PIWIL1: variants seen among roughly 807,000 people sequenced by gnomAD.
The protein encoded by PIWIL1 is piwi like RNA-mediated gene silencing 1.
In PIWIL1, 73 loss-of-function variants were observed where a neutral mutation model predicts 114.4. That is an observed-to-expected ratio of 0.64 (90% CI 0.53 to 0.78). The LOEUF is 0.78. Among genes scored for constraint, PIWIL1 ranks in the 30% least tolerant of loss-of-function variants. The probability of loss-of-function intolerance (pLI) is 0.00; values close to 1 mark genes in which losing one functional copy is unlikely to be tolerated. For missense variants in PIWIL1, 723 were observed against 1,063.1 expected (o/e 0.68, Z 4.45); for synonymous variants, 375 against 369.0 (o/e 1.02, Z -0.19).
chr12:130,412,340 A>G, the PIWIL1 span, among the ~76,000 whole-genome samples: 1 of 152,178 alleles, frequency 6.6e-6, no homozygotes, highest in Non-Finnish European at 1.5e-5. Context: ...TAGATGCGAT[A>G]AATTGTTTGC....
chr12:130,357,406 A>G, intron 13 of PIWIL1, 75 bp from the exon 14 acceptor site: 1 of 1,078,386 alleles, frequency 9.3e-7, no homozygotes, highest in Non-Finnish European at 1.4e-6. Flanking sequence ...TTCCTGTGTT[A>G]CACAGGAAGG....
the PIWIL1 span, among the ~76,000 whole-genome samples, chr12:130,379,637 G>T: frequency 1.1e-4 from 3 of 28,004 alleles, no homozygotes; most frequent in South Asian, 1.4e-3. Flanking sequence ...AGCATTGACA[G>T]TTCCTTCAAC....
chr12:130,402,536 C>G, the PIWIL1 span, among the ~76,000 whole-genome samples: 1 of 152,162 alleles, frequency 6.6e-6, no homozygotes, highest in East Asian at 1.9e-4. Flanking sequence ...CATCAAAACC[C>G]TTTACAGAAT....
the PIWIL1 span, among the ~76,000 whole-genome samples, chr12:130,401,055 T>C: frequency 0.83 from 125,797 of 152,234 alleles, 52,262 homozygotes; most frequent in Non-Finnish European, 0.85. Context: ...ATGGTGGTGA[T>C]TGTTTGCACA....
At chr12:130,377,225 G>A (rs919187530), downstream of PIWIL1, among the ~76,000 whole-genome samples, 1 of 152,202 alleles carries the variant, frequency 6.6e-6, no homozygotes, top group Non-Finnish European at 1.5e-5. Flanking sequence ...ATGATCCCCA[G>A]TGTATAGCAG....
chr12:130,382,753 A>C, the PIWIL1 span, among the ~76,000 whole-genome samples: 1 of 151,982 alleles, frequency 6.6e-6, no homozygotes, highest in African/African-American at 2.4e-5. Flanking sequence ...CCCCACCCCA[A>C]GGTTTATACT....
At chr12:130,348,480 G>A (rs1822314592) in intron 7 of PIWIL1, among the ~76,000 whole-genome samples, 1 of 152,188 alleles carries the variant, frequency 6.6e-6, no homozygotes, top group Non-Finnish European at 1.5e-5. Flanking sequence ...CAGCCCAACT[G>A]AAAAACCACC....
intron 18 of PIWIL1, among the ~76,000 whole-genome samples, chr12:130,365,368 AT>A (rs1311116216): frequency 2.0e-5 from 3 of 152,256 alleles, no homozygotes; most frequent in Admixed American, 2.0e-4. Context: ...AAATGAAAAT[AT>A]ACGTAATGGA....
At chr12:130,349,501 C>A (rs2073156743) in intron 8 of PIWIL1, 65 bp downstream of exon 8, 2 of 1,078,042 alleles carry the variant, frequency 1.9e-6, no homozygotes, top group Admixed American at 3.9e-5. Context: ...CTTTCTAGTT[C>A]TACCATGTTA....
At chr12:130,421,689 A>ATGTGTGTGTG in the PIWIL1 span, among the ~76,000 whole-genome samples, 15,487 of 106,316 alleles carry the variant, frequency 0.15, 937 homozygotes, top group Non-Finnish European at 0.17. Flanking sequence ...CCCTGCATTT[A>ATGTGTGTGTG]TATGTGTGTG....
At chr12:130,389,019 G>T in the PIWIL1 span, among the ~76,000 whole-genome samples, 1 of 151,932 alleles carries the variant, frequency 6.6e-6, no homozygotes, top group Admixed American at 6.6e-5. Flanking sequence ...GCTTTCAAAG[G>T]CATTTCTGTT....
At chr12:130,373,558 C>G (rs1047513659), downstream of PIWIL1, among the ~76,000 whole-genome samples, 1 of 152,156 alleles carries the variant, frequency 6.6e-6, no homozygotes, top group Non-Finnish European at 1.5e-5. Context: ...CTAGGTAACA[C>G]TTCCCAAATT....
chr12:130,371,269 A>C lies in PIWIL1; in HGVS notation c.2415A>C (p.Pro805=). ...TCTATGACAACAGCGGCCTGAAGCCAGACCACATACAGCGCTTGACCTACA... is the reference window on the plus strand; with the variant it reads ...TCTATGACAACAGCGGCCTGAAGCCCGACCACATACAGCGCTTGACCTACA... ...NVIYDNSGLK[P]DHIQRLTYKL... The change falls in exon 20 of 21, where the codon CCA becomes CCC. Residue 805 remains proline, a synonymous_variant. Transcript: ENST00000245255. 6.2e-7 allele frequency: 1 copy of C among 1,614,256 alleles called. No homozygotes were observed.
chr12:130,401,165 A>G, the PIWIL1 span, among the ~76,000 whole-genome samples: 2 of 151,910 alleles, frequency 1.3e-5, no homozygotes, highest in African/African-American at 4.8e-5. Flanking sequence ...ACCCAGGCTG[A>G]AGTGCAGTAG....
the PIWIL1 span, among the ~76,000 whole-genome samples, chr12:130,404,198 A>T: frequency 0.029 from 4,415 of 152,334 alleles, 145 homozygotes; most frequent in African/African-American, 0.062. Flanking sequence ...TTTGTGGGGG[A>T]CATGTACACA....
chr12:130,386,460 A>G, the PIWIL1 span, among the ~76,000 whole-genome samples: 1 of 103,326 alleles, frequency 9.7e-6, no homozygotes, highest in African/African-American at 4.1e-5. Flanking sequence ...GTCTCCATTC[A>G]CCCATGCACA....
chr12:130,424,429 A>C, the PIWIL1 span: 1 of 1,232,680 alleles, frequency 8.1e-7, no homozygotes. This position sits in a 1 kb window ranked among gnomAD's most constrained non-coding sequence, Gnocchi z 9.8. Context: ...CTGCAGGGAC[A>C]GTGACCAGGG....
chr12:130,414,378 T>C, the PIWIL1 span: 1 of 1,455,102 alleles, frequency 6.9e-7, no homozygotes, highest in Non-Finnish European at 9.3e-7. Flanking sequence ...GAAATGCAGC[T>C]TTGGAAAGCA....
chr12:130,347,759 T>C (rs113416479), intron 6 of PIWIL1, among the ~76,000 whole-genome samples: 1,498 of 140,156 alleles, frequency 0.011, 13 homozygotes, highest in East Asian at 0.055. Context: ...TTGAAAGCCA[T>C]GTCATCTCTT....
Sources: allele counts gnomAD v4.1 joint callset (sites outside exome capture counted in the v4.1 genomes callset), GRCh38; gene constraint gnomAD v4.1.1; non-coding constraint Gnocchi (gnomAD v3.1); transcripts MANE v1.5; gene names NCBI Gene and HGNC (gene_info 2026-07-23, HGNC 2026-07-21).